MYO3A: variants seen among roughly 807,000 people sequenced by gnomAD.
The protein encoded by MYO3A is myosin-IIIa.
MYO3A carries 180 observed loss-of-function variants against 192.7 expected under a neutral mutation model. That is an observed-to-expected ratio of 0.93 (90% CI 0.83 to 1.06). MYO3A has a LOEUF of 1.06. MYO3A is among the 50% of genes least tolerant of loss of function. The pLI is 0.00. For synonymous variants in MYO3A, 628 were observed against 645.3 expected, an observed-to-expected ratio of 0.97 and a Z score of 0.41; for missense variants, 1,896 against 1,905.0, an observed-to-expected ratio of 1.00 and a Z score of 0.09.
At chr10:26,101,089 G>A (rs1288152757) in intron 17 of MYO3A, among the ~76,000 whole-genome samples, 1 of 152,156 alleles carries the variant, frequency 6.6e-6, no homozygotes, top group Non-Finnish European at 1.5e-5. Flanking sequence ...CCTGTATTGG[G>A]TGCATATATA....
chr10:26,100,930 A>G (rs1401963544), intron 17 of MYO3A, among the ~76,000 whole-genome samples: 1 of 152,188 alleles, frequency 6.6e-6, no homozygotes, highest in Non-Finnish European at 1.5e-5. Context: ...TGCAGAGCTG[A>G]GTTCAATTCC....
chr10:26,074,682 C>T (rs1168633685), intron 14 of MYO3A, among the ~76,000 whole-genome samples: 1 of 149,944 alleles, frequency 6.7e-6, no homozygotes, highest in Non-Finnish European at 1.5e-5. Context: ...TTTTCCTAAT[C>T]CACAGGCTGC....
intron 2 of MYO3A, among the ~76,000 whole-genome samples, chr10:25,943,785 T>TGTGTGTGTGTGC (rs1836657083): frequency 6.6e-6 from 1 of 151,588 alleles, no homozygotes; most frequent in Non-Finnish European, 1.5e-5. Flanking sequence ...TGTGTGTGTG[T>TGTGTGTGTGTGC]GTGTGTGTGT....
chr10:26,170,201 T>G (rs1458308707), intron 28 of MYO3A, among the ~76,000 whole-genome samples: 1 of 152,244 alleles, frequency 6.6e-6, no homozygotes, highest in African/African-American at 2.4e-5. Context: ...AGTATTCTTC[T>G]TAGTATGAAA....
intron 20 of MYO3A, among the ~76,000 whole-genome samples, chr10:26,137,136 G>A (rs1839901155): frequency 6.6e-6 from 1 of 152,142 alleles, no homozygotes; most frequent in African/African-American, 2.4e-5. Flanking sequence ...AAAGATTTAG[G>A]TACTACATAG....
chr10:26,147,770 T>C (rs779615924), intron 23 of MYO3A, among the ~76,000 whole-genome samples: 3 of 152,194 alleles, frequency 2.0e-5, no homozygotes, highest in Non-Finnish European at 2.9e-5. Flanking sequence ...AGGTAAGTGT[T>C]TGCAGCAGTC....
chr10:26,107,977 C>G (rs530856019), intron 17 of MYO3A, among the ~76,000 whole-genome samples: 3 of 151,548 alleles, frequency 2.0e-5, no homozygotes, highest in South Asian at 4.2e-4. Flanking sequence ...TTCTCTATTT[C>G]TTTACATTTG....
intron 15 of MYO3A, among the ~76,000 whole-genome samples, chr10:26,090,252 T>C (rs1205802878): frequency 6.6e-6 from 1 of 152,184 alleles, no homozygotes; most frequent in Non-Finnish European, 1.5e-5. Context: ...TGGAGTTGAG[T>C]GCAGGAACTC....
chr10:26,192,506 A>G (rs1013259172), intron 31 of MYO3A, among the ~76,000 whole-genome samples: 4 of 152,136 alleles, frequency 2.6e-5, no homozygotes, highest in Non-Finnish European at 5.9e-5. Context: ...TTCTGTGAGC[A>G]TAACATTCCT....
At chr10:26,032,844 T>C (rs1282396547) in intron 10 of MYO3A, among the ~76,000 whole-genome samples, 2 of 152,180 alleles carry the variant, frequency 1.3e-5, no homozygotes, top group Non-Finnish European at 2.9e-5. Flanking sequence ...CTGGGCAAGA[T>C]AATTTTTCTT....
intron 25 of MYO3A, 106 bp downstream of exon 25, chr10:26,154,929 C>A: frequency 2.1e-6 from 2 of 956,154 alleles, no homozygotes; most frequent in African/African-American, 1.6e-5. Flanking sequence ...TTATTGTATT[C>A]CATTTACTAT....
intron 6 of MYO3A, among the ~76,000 whole-genome samples, chr10:25,998,776 G>T (rs1185678380): frequency 1.3e-5 from 2 of 152,054 alleles, no homozygotes; most frequent in Non-Finnish European, 2.9e-5. Flanking sequence ...AGCTATTAAA[G>T]AAAAATTTGG....
intron 14 of MYO3A, among the ~76,000 whole-genome samples, chr10:26,080,596 GAGGC>G (rs1564528464): frequency 2.1e-4 from 29 of 135,990 alleles, no homozygotes; most frequent in African/African-American, 7.0e-4. Context: ...TTTTTGGGGG[GAGGC>G]GGGGCGGGGG....
chr10:26,105,652 G>A (rs1444448038), intron 17 of MYO3A, among the ~76,000 whole-genome samples: 2 of 151,800 alleles, frequency 1.3e-5, no homozygotes, highest in African/African-American at 4.8e-5. Context: ...TAATTTGTCT[G>A]TGACTTACTT....
At chr10:26,092,296 C>T (rs1023416296) in intron 15 of MYO3A, among the ~76,000 whole-genome samples, 1 of 152,062 alleles carries the variant, frequency 6.6e-6, no homozygotes, top group Non-Finnish European at 1.5e-5. Flanking sequence ...GAAACCCCAT[C>T]TCTACTAAAA....
chr10:26,093,858 A>T (rs1836848207), intron 15 of MYO3A, among the ~76,000 whole-genome samples: 1 of 152,220 alleles, frequency 6.6e-6, no homozygotes, highest in South Asian at 2.1e-4. Flanking sequence ...GTGAATACAC[A>T]TCTCAAATCT....
chr10:26,211,793 G>A (rs748288090), intron 34 of MYO3A, 50 bp from the exon 35 acceptor site: 4 of 1,610,776 alleles, frequency 2.5e-6, no homozygotes, highest in Non-Finnish European at 3.4e-6. Flanking sequence ...GTGGGGACGC[G>A]CTGCTCACTG....
chr10:26,089,243 A>G (rs1212513009), intron 15 of MYO3A, among the ~76,000 whole-genome samples: 1 of 152,180 alleles, frequency 6.6e-6, no homozygotes, highest in Non-Finnish European at 1.5e-5. Flanking sequence ...TGAGTAAGTC[A>G]TGAATAGAAG....
intron 14 of MYO3A, among the ~76,000 whole-genome samples, chr10:26,081,133 T>TA: frequency 1.2e-5 from 1 of 84,984 alleles, no homozygotes; most frequent in Non-Finnish European, 2.5e-5. Context: ...TATATGCCCT[T>TA]CCCCCCCCCC....
Sources: gnomAD v4.1 joint callset for allele counts (sites outside exome capture counted in the v4.1 genomes callset) on GRCh38, gnomAD v4.1.1 for gene constraint, MANE v1.5 for transcripts, NCBI Gene and HGNC (gene_info 2026-07-23, HGNC 2026-07-21) for gene names.